Variants in MACF1 observed in about 807,000 individuals in gnomAD.
MACF1 encodes the protein microtubule-actin cross-linking factor 1.
In MACF1, 193 loss-of-function variants were observed where a neutral mutation model predicts 854.8. The observed-to-expected ratio is 0.23, with a 90% CI of 0.20 to 0.25. The LOEUF is 0.25. MACF1 is among the 10% of genes least tolerant of loss of function. The pLI, the probability that MACF1 is intolerant of heterozygous loss-of-function variation, is 1.00. For synonymous variants in MACF1, 3,185 were observed against 3,226.7 expected (o/e 0.99, Z 0.44); for missense variants, 7,722 against 8,929.1 (o/e 0.86, Z 5.45).
chr1:39,280,968 A>G (rs1645532199), intron 6 of MACF1, among the ~76,000 whole-genome samples: 1 of 152,214 alleles, frequency 6.6e-6, no homozygotes, highest in African/African-American at 2.4e-5. Flanking sequence ...CCTTCAAATA[A>G]GGAAGAGATA....
At chr1:39,140,978 T>C (rs1361669054) in intron 2 of MACF1, among the ~76,000 whole-genome samples, 1 of 140,214 alleles carries the variant, frequency 7.1e-6, no homozygotes, top group Non-Finnish European at 1.5e-5. Context: ...TTATGTCAAA[T>C]TAACTAATTT....
In MACF1 at chr1:39,433,131, G is replaced by C. The variant is rs1257582292; in HGVS notation, c.17541G>C (p.Gly5847=). 1 of 1,607,588 alleles carries C rather than the reference G, an allele frequency of 6.2e-7. No individual in the cohort carries two copies. The highest frequency in any genetic ancestry group is 8.5e-7 in the Non-Finnish European group (1 of 1,176,056). The change falls in exon 68 of 101, where the codon GGG becomes GGC. Residue 5847 remains glycine (G), a synonymous_variant. Transcript: ENST00000564288. ...GTAGTGAAATCTTTGGCACATGTGG[G>C]GAGGAGCAAAAAACTGTATTACAGG... is the stretch of plus-strand genomic sequence containing the variant. ...SHRSEIFGTC[G]EEQKTVLQEK...
chr1:39,206,002 T>C (rs1335339381), intron 1 of MACF1, among the ~76,000 whole-genome samples: 1 of 152,180 alleles, frequency 6.6e-6, no homozygotes, highest in Non-Finnish European at 1.5e-5. Context: ...CTCATTGTGA[T>C]GGGCTCACTA....
At chr1:39,418,490 A>G (rs555502556) in intron 58 of MACF1, among the ~76,000 whole-genome samples, 4 of 152,370 alleles carry the variant, frequency 2.6e-5, no homozygotes, top group Admixed American at 2.0e-4. Context: ...CCCACCCCCA[A>G]AGATCATTTA....
rs147442363 is a variant in MACF1 at position 39,225,632 on chromosome 1, A to G, written c.110-5550A>G. On this transcript the variant is annotated intron_variant, in intron 1 of 100. Transcript: ENST00000564288. The stretch of plus-strand genomic sequence containing the variant: ...AGTAGGGTTCTCTGCTTCTGTAGAG[A>G]TGCTGGTGGTGGGGAGTGGGCTCTC... Among the ~76,000 whole-genome samples the G allele has an allele frequency of 1.3e-4, 20 of 152,276 alleles. No homozygotes were observed. The East Asian group carries it at 3.9e-3, about 29-fold the overall frequency.
At position 39,388,486 on chromosome 1, in the gene MACF1, G is replaced by T. The variant is rs139015549; in HGVS notation, c.15644G>T (p.Arg5215Met). The change falls in exon 58 of 101, where the codon AGG (arginine) becomes ATG (methionine). Residue 5215 changes from arginine (R) to methionine (M), a missense_variant. Physicochemically the swap from Arg to Met is moderately conservative, Grantham distance 91. This residue lies in a region of MACF1 where 2,807 missense variants were observed against 3,235.8 expected (regional missense o/e 0.87). Coordinates refer to ENST00000564288, the MANE Select transcript of MACF1 (RefSeq NM_001394062.1). ...AAACAGTGTGGCAAACTGACAGAGA[G>T]GGGGAAAGCTCGTCAGGAACAGCTG... ...LNKQCGKLTE[R>M]GKARQEQLEL... 6.2e-7 allele frequency: 1 copy of T among 1,614,166 alleles called. No individual in the cohort carries two copies. The highest frequency in any genetic ancestry group is 1.6e-4 in the Middle Eastern group (1 of 6,062).
intron 23 of MACF1, 44 bp downstream of exon 23, chr1:39,303,122 G>A: frequency 6.2e-7 from 1 of 1,600,312 alleles, no homozygotes; most frequent in Non-Finnish European, 8.5e-7. Context: ...CTCTGCTGTT[G>A]GCCTCGGTGA....
At position 39,387,987 on chromosome 1, in the gene MACF1, C is replaced by G. The variant is rs191256950; in HGVS notation, c.15145C>G (p.Leu5049Val). ...LGSQACSNKN[L>V]EKLRAQQEVL... is the part of the protein sequence containing the mutation. ...TTCTCAAGCCTGTAGCAACAAGAAC[C>G]TGGAGAAGCTAAGAGCTCAACAGGA... The change falls in exon 58 of 101, where the codon CTG (leucine) becomes GTG (valine). Residue 5049 changes from leucine to valine, a missense_variant. Around this residue, in one of 15 missense-constraint regions of MACF1, gnomAD observed 2,807 missense variants for 3,235.8 expected, o/e 0.87. Coordinates refer to ENST00000564288, the MANE Select transcript of MACF1 (RefSeq NM_001394062.1). The G allele has an allele frequency of 1.2e-6, 2 of 1,614,036 alleles. No homozygotes were observed. The highest frequency in any genetic ancestry group is 4.5e-5 in the East Asian group (2 of 44,888).
intron 36 of MACF1, among the ~76,000 whole-genome samples, chr1:39,329,397 G>A (rs1646676706): frequency 6.6e-6 from 1 of 151,990 alleles, no homozygotes; most frequent in African/African-American, 2.4e-5. Flanking sequence ...TGATTTTAAG[G>A]GTTTCCTTAT....
At chr1:39,358,967 AG>A in intron 46 of MACF1, 94 bp downstream of exon 46, 2 of 1,476,952 alleles carry the variant, frequency 1.4e-6, no homozygotes, top group Non-Finnish European at 1.8e-6. Context: ...CATAAAATAA[AG>A]GCAGTGGTTG....
In MACF1 at chr1:39,105,804, G is replaced by A; in HGVS notation, c.220+21366G>A. The A allele has an allele frequency of 1.0e-5, 10 of 972,884 alleles. No homozygotes were observed. Among genetic ancestry groups the A allele is most frequent in the Non-Finnish European group, 1.2e-5 (10 of 816,444 alleles). 60.3% of individuals were successfully genotyped at this position (972,884 alleles called of 1,614,324 possible). A position where few individuals can be genotyped will look rare whatever the true frequency, so the allele number is the denominator to read the frequency against. ...CGGTCGGCTCGGCGGCTGCAGGTGG[G>A]GCGGCCGGGCGGGGTCGCACCCACC... On this transcript the variant is annotated intron_variant, in intron 2 of 93. Coordinates refer to the MACF1 transcript ENST00000361689. The surrounding 1 kb of genome is among the most constrained non-coding windows in gnomAD (Gnocchi z 5.9).
chr1:39,202,725 A>C (rs1644407681), upstream of MACF1, among the ~76,000 whole-genome samples: 1 of 151,944 alleles, frequency 6.6e-6, no homozygotes, highest in Admixed American at 6.6e-5. Context: ...TTTATGTGAC[A>C]AGCTATGTAT....
chr1:39,374,445 C>A (rs1261796099), intron 52 of MACF1, among the ~76,000 whole-genome samples: 1 of 152,116 alleles, frequency 6.6e-6, no homozygotes, highest in East Asian at 1.9e-4. Context: ...TGGAACTATC[C>A]ACAAGTGACA....
chr1:39,437,076 T>C (rs548547523), intron 70 of MACF1, among the ~76,000 whole-genome samples: 2 of 152,356 alleles, frequency 1.3e-5, no homozygotes, highest in Admixed American at 6.5e-5. Flanking sequence ...GTCTAGTCTG[T>C]TGCATGCAAC....
At chr1:39,417,473 G>T (rs1013066019) in intron 58 of MACF1, among the ~76,000 whole-genome samples, 1 of 152,084 alleles carries the variant, frequency 6.6e-6, no homozygotes, top group African/African-American at 2.4e-5. Flanking sequence ...CTGATCGGCA[G>T]AATCTTCATT....
At chr1:39,110,020 A>T (rs940259871) in intron 2 of MACF1, among the ~76,000 whole-genome samples, 6 of 151,264 alleles carry the variant, frequency 4.0e-5, no homozygotes, top group Admixed American at 4.0e-4. Flanking sequence ...TTTCATACAA[A>T]AATAATACAA....
chr1:39,280,558 A>G (rs1645523473), intron 6 of MACF1, among the ~76,000 whole-genome samples: 1 of 152,138 alleles, frequency 6.6e-6, no homozygotes, highest in South Asian at 2.1e-4. Flanking sequence ...TCCATAATGC[A>G]AAATAACATT....
intron 44 of MACF1, among the ~76,000 whole-genome samples, chr1:39,355,748 G>A (rs1647502564): frequency 6.6e-6 from 1 of 152,114 alleles, no homozygotes; most frequent in Non-Finnish European, 1.5e-5. Context: ...ATAGGCGTGA[G>A]CCACTGCGCC....
intron 14 of MACF1, 126 bp from the exon 15 acceptor site, chr1:39,287,160 C>T: frequency 9.8e-7 from 1 of 1,017,684 alleles, no homozygotes; most frequent in Non-Finnish European, 1.4e-6. Flanking sequence ...GGGGTTTCAC[C>T]ATGTTGTCTA....
Sources: allele counts gnomAD v4.1 joint callset (sites outside exome capture counted in the v4.1 genomes callset), GRCh38; gene constraint gnomAD v4.1.1; regional missense constraint gnomAD v4.1.1; non-coding constraint Gnocchi (gnomAD v3.1); transcripts MANE v1.5; gene names NCBI Gene and HGNC (gene_info 2026-07-23, HGNC 2026-07-21).